The following PRELID2 variants were observed in gnomAD, a reference collection of about 807,000 sequenced individuals.
PRELID2 encodes the protein PRELI domain containing 2, also known as PRELI domain-containing protein 2.
PRELID2 carries 25 observed loss-of-function variants against 28.4 expected under a neutral mutation model. That is an observed-to-expected ratio of 0.88 (90% CI 0.64 to 1.23). PRELID2 has a LOEUF of 1.23. Among genes scored for constraint, PRELID2 ranks in the 50% most tolerant of loss-of-function variants. The pLI is 0.00. For synonymous variants in PRELID2, 76 were observed against 71.6 expected (o/e 1.06, Z -0.31); for missense variants, 201 against 214.4 (o/e 0.94, Z 0.39).
chr5:145,509,187 C>T (rs1346587717), intron 1 of PRELID2, among the ~76,000 whole-genome samples: 1 of 152,186 alleles, frequency 6.6e-6, no homozygotes, highest in Non-Finnish European at 1.5e-5. Flanking sequence ...ACAGCAATGA[C>T]AACTGCTATG....
the PRELID2 span, among the ~76,000 whole-genome samples, chr5:145,315,884 A>G: frequency 6.6e-6 from 1 of 152,200 alleles, no homozygotes; most frequent in Non-Finnish European, 1.5e-5. Flanking sequence ...TCTTAAACAT[A>G]TACAATTTTG....
At chr5:145,819,062 G>A (rs1346811478) in intron 3 of PRELID2, among the ~76,000 whole-genome samples, 1 of 152,172 alleles carries the variant, frequency 6.6e-6, no homozygotes, top group Admixed American at 6.5e-5. Context: ...CTTGCCTGCT[G>A]CCATGTAACA....
chr5:145,669,542 C>A (rs1198674869), intron 1 of PRELID2, among the ~76,000 whole-genome samples: 1 of 152,136 alleles, frequency 6.6e-6, no homozygotes, highest in Non-Finnish European at 1.5e-5. Context: ...TCTGTTCTTG[C>A]CACCTTCCAG....
chr5:145,271,418 G>C, the PRELID2 span, among the ~76,000 whole-genome samples: 1 of 151,888 alleles, frequency 6.6e-6, no homozygotes, highest in South Asian at 2.1e-4. Context: ...GTCTCACTAT[G>C]TTGCCTAGGC....
chr5:145,743,847 T>C (rs574858805), intron 1 of PRELID2, among the ~76,000 whole-genome samples: 5 of 152,356 alleles, frequency 3.3e-5, no homozygotes, highest in African/African-American at 1.2e-4. Context: ...TGCAGCTGCC[T>C]GCTGTCTAAG....
chr5:145,706,368 CAGAA>C (rs913561900), intron 1 of PRELID2, among the ~76,000 whole-genome samples: 3 of 152,248 alleles, frequency 2.0e-5, no homozygotes, highest in Admixed American at 6.5e-5. Context: ...CAGTGTTTTC[CAGAA>C]AGAAAGAAAC....
At chr5:145,398,595 A>G in the PRELID2 span, among the ~76,000 whole-genome samples, 1 of 151,934 alleles carries the variant, frequency 6.6e-6, no homozygotes, top group Non-Finnish European at 1.5e-5. Flanking sequence ...CTCTTAGTTT[A>G]TTTATTAATT....
At chr5:145,407,041 C>T in the PRELID2 span, among the ~76,000 whole-genome samples, 4 of 152,266 alleles carry the variant, frequency 2.6e-5, no homozygotes, top group African/African-American at 9.6e-5. Flanking sequence ...TCTACCTAAA[C>T]TTTGTAATAA....
chr5:145,559,020 T>C (rs2126690197), intron 1 of PRELID2, among the ~76,000 whole-genome samples: 1 of 152,256 alleles, frequency 6.6e-6, no homozygotes, highest in East Asian at 1.9e-4. Flanking sequence ...TTTGGGAGGC[T>C]GAGACAGGCG....
At chr5:145,497,696 G>A (rs181562803) in intron 1 of PRELID2, among the ~76,000 whole-genome samples, 51 of 152,224 alleles carry the variant, frequency 3.4e-4, no homozygotes, top group Non-Finnish European at 6.3e-4. Flanking sequence ...AGATTTCCAT[G>A]TTTCCAATCC....
intron 1 of PRELID2, among the ~76,000 whole-genome samples, chr5:145,598,195 A>G (rs1753337832): frequency 6.6e-6 from 1 of 152,170 alleles, no homozygotes; most frequent in African/African-American, 2.4e-5. Flanking sequence ...AAGGGGTGGT[A>G]AGAAAAGAGA....
chr5:145,482,655 C>T (rs1422649), intron 1 of PRELID2, among the ~76,000 whole-genome samples: 39,592 of 151,728 alleles, frequency 0.26, 5,306 homozygotes, highest in South Asian at 0.36. Context: ...GCATTACATT[C>T]ATGGTGTAGT....
At chr5:145,232,360 C>T in the PRELID2 span, among the ~76,000 whole-genome samples, 2 of 152,162 alleles carry the variant, frequency 1.3e-5, no homozygotes, top group Non-Finnish European at 2.9e-5. Context: ...AATTCAGTGG[C>T]TTGCCTGAGG....
the PRELID2 span, among the ~76,000 whole-genome samples, chr5:145,382,766 A>T: frequency 6.6e-6 from 1 of 151,986 alleles, no homozygotes; most frequent in Admixed American, 6.6e-5. Context: ...CTTAGCATTT[A>T]CTTGTCTGGA....
At chr5:145,673,474 G>T (rs996817599) in intron 1 of PRELID2, among the ~76,000 whole-genome samples, 6 of 143,314 alleles carry the variant, frequency 4.2e-5, no homozygotes, top group African/African-American at 1.7e-4. Flanking sequence ...ATACCAAGAA[G>T]AAAAAGGAAA....
Position 145,621,823 on chromosome 5 carries a change from T to C in PRELID2, n.70+143108A>G, listed in dbSNP as rs6881485. On this transcript the variant is annotated intron_variant and non_coding_transcript_variant, in intron 1 of 2. Transcript: ENST00000510259. ...GCAGGAATTTACTGCATATTTTCAA[T>C]AAGCTAGAAGAGAGAATTTCGGATG... 6.9e-3 allele frequency among the ~76,000 whole-genome samples: 1,056 copies of C among 152,120 alleles called. 6 individuals are homozygous for C. Among genetic ancestry groups the C allele is most frequent in the Middle Eastern group, 0.017 (5 of 292 alleles).
intron 1 of PRELID2, among the ~76,000 whole-genome samples, chr5:145,591,772 A>C (rs1753232084): frequency 1.3e-5 from 2 of 152,212 alleles, no homozygotes; most frequent in South Asian, 4.1e-4. Context: ...GGAGCCACTG[A>C]CTAACTTTGC....
At chr5:145,570,447 T>A (rs1047491272) in intron 1 of PRELID2, among the ~76,000 whole-genome samples, 2 of 152,204 alleles carry the variant, frequency 1.3e-5, no homozygotes, top group Non-Finnish European at 2.9e-5. Context: ...GAGTAGTTTT[T>A]TAAACACAGT....
the PRELID2 span, among the ~76,000 whole-genome samples, chr5:145,325,131 A>G: frequency 1.3e-5 from 2 of 152,236 alleles, no homozygotes; most frequent in Non-Finnish European, 2.9e-5. Flanking sequence ...ACTTTTAAAA[A>G]CATGCACAAA....
Sources: allele counts gnomAD v4.1 joint callset (sites outside exome capture counted in the v4.1 genomes callset), GRCh38; gene constraint gnomAD v4.1.1; transcripts MANE v1.5; gene names NCBI Gene and HGNC (gene_info 2026-07-23, HGNC 2026-07-21).